Variants in SPINT1 observed in about 807,000 individuals in gnomAD.
SPINT1 encodes serine peptidase inhibitor, Kunitz type 1, also known as kunitz-type protease inhibitor 1.
In SPINT1, 38 loss-of-function variants were observed where a neutral mutation model predicts 53.7. The ratio of observed to expected loss-of-function variants is 0.71; its 90% CI spans 0.55 to 0.93. SPINT1 has a LOEUF of 0.93. SPINT1 is among the 40% of genes least tolerant of loss of function. SPINT1 has a pLI of 0.00. For missense variants in SPINT1, 645 were observed against 692.9 expected (o/e 0.93, Z 0.78); for synonymous variants, 283 against 280.6 (o/e 1.01, Z -0.08).
In SPINT1 at chr15:40,844,418, C is replaced by T. The variant is rs1000876475; in HGVS notation, c.-65-72C>T. On this transcript the variant is annotated intron_variant, in intron 1 of 10. Transcript: ENST00000562057. The surrounding 1 kb of genome is among the most constrained non-coding windows in gnomAD (Gnocchi z 5.8). ...CTCCTCCCCGCCACTTCCTCCCGGC[C>T]GGCCCGCCTCCTCCAAAGTCTCCCG... The T allele has an allele frequency of 4.3e-6, 4 of 937,138 alleles. No individual in the cohort carries two copies. The highest frequency in any genetic ancestry group is 3.3e-5 in the African/African-American group (2 of 60,248). The allele number at this position is 937,138 out of a possible 1,614,324, so 58.1% of individuals were successfully genotyped here. A position where few individuals can be genotyped will look rare whatever the true frequency, so the allele number is the denominator to read the frequency against.
chr15:40,856,027 A>C lies in SPINT1; in HGVS notation c.1253A>C (p.Glu418Ala), dbSNP rs369498136. 7.4e-6 allele frequency: 12 copies of C among 1,614,052 alleles called. No homozygotes were observed. The African/African-American group carries it at 1.5e-4, about 20-fold the overall frequency. Reference sequence around the variant, plus strand: ...GGCAACAAGAACAACTTTGAGGAAGAGCAGCAGTGCCTCGAGTCTTGTCGC... The same window carrying C: ...GGCAACAAGAACAACTTTGAGGAAGCGCAGCAGTGCCTCGAGTCTTGTCGC... ...CYGNKNNFEE[E>A]QQCLESCRGI... The change falls in exon 9 of 11, where the codon GAG becomes GCG. Residue 418 changes from glutamate (E) to alanine (A), a missense_variant. By Grantham distance (107) the Glu-to-Ala change is moderately radical. Transcript: ENST00000562057.
chr15:40,850,105 T>C (rs1389657920), intron 2 of SPINT1, among the ~76,000 whole-genome samples: 1 of 152,200 alleles, frequency 6.6e-6, no homozygotes, highest in Non-Finnish European at 1.5e-5. Flanking sequence ...GGAGTTTCGC[T>C]CTTGTTGTCC....
At position 40,844,774 on chromosome 15, in the gene SPINT1, A is replaced by G. The variant is rs914334103; in HGVS notation, c.220A>G (p.Thr74Ala). 7 of 1,612,358 alleles carry G rather than the reference A, an allele frequency of 4.3e-6. No homozygotes were observed. The highest frequency in any genetic ancestry group is 1.3e-5 in the African/African-American group (1 of 74,884). ...CAACGCCTCGGTCAGCAACGGAGCT[A>G]CCTTCCTGGAGTCCCCCACCGTGCG... ...DTNASVSNGA[T>A]FLESPTVRRG... is the part of the protein sequence containing the mutation. The change falls in exon 2 of 11, where the codon ACC becomes GCC. Residue 74 changes from threonine (T) to alanine (A), a missense_variant. Coordinates refer to ENST00000562057, the MANE Select transcript of SPINT1 (RefSeq NM_003710.4). This position sits in a 1 kb window ranked among gnomAD's most constrained non-coding sequence, Gnocchi z 5.8.
chr15:40,847,618 C>A (rs1182783044), intron 2 of SPINT1, among the ~76,000 whole-genome samples: 2 of 152,108 alleles, frequency 1.3e-5, no homozygotes, highest in African/African-American at 4.8e-5. Context: ...GGTCCTGAGA[C>A]CTGGTAACTA....
At chr15:40,851,965 G>C (rs547210035) in intron 2 of SPINT1, among the ~76,000 whole-genome samples, 1 of 152,320 alleles carries the variant, frequency 6.6e-6, no homozygotes, top group East Asian at 1.9e-4. Flanking sequence ...AGGTTGCAGT[G>C]AGCCAAAATT....
Position 40,854,629 on chromosome 15 carries a change from C to T in SPINT1, c.1067-10C>T. ...GTTGGGTCTGAGACTCTGACCTTTC[C>T]TCTCTGCAGACACGAGTGGCTTTGA... On this transcript the variant is annotated splice_polypyrimidine_tract_variant and intron_variant, in intron 7 of 10. Coordinates refer to ENST00000562057, the MANE Select transcript of SPINT1 (RefSeq NM_003710.4). 1 of 1,614,236 alleles carries T rather than the reference C, an allele frequency of 6.2e-7. No individual in the cohort carries two copies. The highest frequency in any genetic ancestry group is 8.5e-7 in the Non-Finnish European group (1 of 1,180,030).
rs1891710037 is a variant in SPINT1 at position 40,858,051 on chromosome 15, G to A, written c.*1076G>A. The A allele has an allele frequency of 6.6e-6, 1 of 152,018 alleles. No homozygotes were observed. The highest frequency in any genetic ancestry group is 2.1e-4 in the South Asian group (1 of 4,822). 9.4% of individuals were successfully genotyped at this position (152,018 alleles called of 1,614,324 possible). On this transcript the variant is annotated 3_prime_UTR_variant, in exon 11 of 11. Transcript: ENST00000562057. The stretch of plus-strand genomic sequence containing the variant: ...ACTAGCTGTCTCCCTCCCAACAGAA[G>A]CCCTGGCTTCTGCGCTGGAGTGCAG...
intron 2 of SPINT1, among the ~76,000 whole-genome samples, chr15:40,851,403 G>A (rs1246313284): frequency 6.6e-6 from 1 of 152,002 alleles, no homozygotes; most frequent in Non-Finnish European, 1.5e-5. Context: ...TGCCCGCCTT[G>A]GCCGCCCAAA....
Position 40,856,044 on chromosome 15 carries a change from T to A in SPINT1, c.1270T>A (p.Ser424Thr), listed in dbSNP as rs138242530. 9.9e-6 allele frequency: 16 copies of A among 1,614,018 alleles called. No individual in the cohort carries two copies. The African/African-American group carries it at 2.1e-4, about 22-fold the overall frequency. The change falls in exon 9 of 11, where the codon TCT (serine) becomes ACT (threonine). Residue 424 changes from serine to threonine, a missense_variant. Coordinates refer to ENST00000562057, the MANE Select transcript of SPINT1 (RefSeq NM_003710.4). ...NFEEEQQCLE[S>T]CRGISKKDVF... ...TGAGGAAGAGCAGCAGTGCCTCGAG[T>A]CTTGTCGCGGCATCTCCAGTGAGTG...
In SPINT1 at chr15:40,854,476, C is replaced by A; in HGVS notation, c.1020C>A (p.Asp340Glu). The A allele has an allele frequency of 6.2e-7, 1 of 1,613,518 alleles. No individual in the cohort carries two copies. Among genetic ancestry groups the A allele is most frequent in the Non-Finnish European group, 8.5e-7 (1 of 1,179,928 alleles). Residue 340 changes from aspartate (D) to glutamate (E), a missense_variant, in exon 7 of 11, where the codon GAC becomes GAA. Transcript: ENST00000562057. ...CCIDSFLECD[D>E]TPNCPDASDE... ...TCGACAGTTTCCTGGAGTGTGACGA[C>A]ACCCCCAACTGCCCCGACGCCTCCG...
In SPINT1 at chr15:40,857,646, G is replaced by A. The variant is rs1009453440; in HGVS notation, c.*671G>A. ...AGCCCGCCCACTGGGTAATAAAAGT[G>A]GTTTGTGGAGTTTCTGGCTCTGTTC... On this transcript the variant is annotated 3_prime_UTR_variant, in exon 11 of 11. Transcript: ENST00000562057. The A allele has an allele frequency of 2.6e-5, 4 of 152,340 alleles. No homozygotes were observed. The highest frequency in any genetic ancestry group is 4.8e-5 in the African/African-American group (2 of 41,448). 9.4% of individuals were successfully genotyped at this position (152,340 alleles called of 1,614,324 possible).
intron 2 of SPINT1, among the ~76,000 whole-genome samples, chr15:40,851,005 G>T (rs1198401379): frequency 6.6e-6 from 1 of 152,076 alleles, no homozygotes; most frequent in Non-Finnish European, 1.5e-5. Context: ...TGTACTACCA[G>T]TTGTTTAATA....
chr15:40,851,740 G>A (rs1891463976), intron 2 of SPINT1, among the ~76,000 whole-genome samples: 1 of 152,146 alleles, frequency 6.6e-6, no homozygotes, highest in Admixed American at 6.5e-5. Context: ...AACAAATTTG[G>A]CCAGGTGTGG....
At chr15:40,856,638 G>A in intron 10 of SPINT1, 132 bp from the exon 11 acceptor site, 1 of 1,494,578 alleles carries the variant, frequency 6.7e-7, no homozygotes, top group Admixed American at 2.2e-5. Flanking sequence ...TCATATGTGG[G>A]AGGTCTGAGT....
rs1178254075 is a variant in SPINT1 at position 40,853,515 on chromosome 15, G to A, written c.630G>A (p.Leu210=). 6.2e-7 allele frequency: 1 copy of A among 1,614,164 alleles called. No homozygotes were observed. The highest frequency in any genetic ancestry group is 2.2e-5 in the East Asian group (1 of 44,888). ...GGAAAGACCCAAACCAGGTGGAACT[G>A]TGGGGACTCAAGGAAGGCACCTACC... ...VERKDPNQVE[L]WGLKEGTYLF... is the part of the protein sequence containing the mutation. Residue 210 remains leucine, a synonymous_variant, in exon 4 of 11, where the codon CTG becomes CTA. Transcript: ENST00000562057.
In SPINT1 at chr15:40,844,402, G is replaced by T; in HGVS notation, c.-65-88G>T. 2.4e-6 allele frequency: 2 copies of T among 836,278 alleles called. No homozygotes were observed. The highest frequency in any genetic ancestry group is 2.9e-5 in the South Asian group (2 of 69,526). 51.8% of individuals were successfully genotyped at this position (836,278 alleles called of 1,614,324 possible). A position where few individuals can be genotyped will look rare whatever the true frequency, so the allele number is the denominator to read the frequency against. Reference sequence around the variant, plus strand: ...TGGGGTGCTCCGGTCCCTCCTCCCCGCCACTTCCTCCCGGCCGGCCCGCCT... The same window carrying T: ...TGGGGTGCTCCGGTCCCTCCTCCCCTCCACTTCCTCCCGGCCGGCCCGCCT... On this transcript the variant is annotated intron_variant, in intron 1 of 10. Coordinates refer to ENST00000562057, the MANE Select transcript of SPINT1 (RefSeq NM_003710.4). The surrounding 1 kb of genome is among the most constrained non-coding windows in gnomAD (Gnocchi z 5.8).
intron 2 of SPINT1, among the ~76,000 whole-genome samples, chr15:40,846,799 C>T (rs1360113189): frequency 6.6e-6 from 1 of 152,154 alleles, no homozygotes; most frequent in Admixed American, 6.5e-5. Context: ...TCCAGTAGCT[C>T]TCCTGGGTCT....
intron 2 of SPINT1, among the ~76,000 whole-genome samples, chr15:40,847,345 G>T (rs764673670): frequency 1.3e-5 from 2 of 152,244 alleles, no homozygotes; most frequent in Non-Finnish European, 2.9e-5. Flanking sequence ...AAGGGCTAGG[G>T]TGGATGAGGT....
intron 2 of SPINT1, among the ~76,000 whole-genome samples, chr15:40,846,539 C>A (rs1197181875): frequency 1.3e-5 from 2 of 152,144 alleles, no homozygotes; most frequent in East Asian, 3.8e-4. Flanking sequence ...CCAGGGGAGA[C>A]CTCCAAAAAA....
Sources: allele counts gnomAD v4.1 joint callset (sites outside exome capture counted in the v4.1 genomes callset), GRCh38; gene constraint gnomAD v4.1.1; non-coding constraint Gnocchi (gnomAD v3.1); transcripts MANE v1.5; gene names NCBI Gene and HGNC (gene_info 2026-07-23, HGNC 2026-07-21).